Variants in GTSE1 observed in about 807,000 individuals in gnomAD.
GTSE1 encodes the protein G2 and S phase-expressed protein 1.
GTSE1 carries 52 observed loss-of-function variants against 60.5 expected under a neutral mutation model. The observed-to-expected ratio is 0.86, with a 90% confidence interval of 0.69 to 1.08. The LOEUF (loss-of-function observed/expected upper bound fraction) is 1.08, where lower values mean the gene tolerates loss of function less well. Among genes scored for constraint, GTSE1 ranks in the 50% least tolerant of loss-of-function variants. GTSE1 has a pLI of 0.00. For synonymous variants in GTSE1, 368 were observed against 386.5 expected (o/e 0.95, Z 0.56); for missense variants, 937 against 961.8 (o/e 0.97, Z 0.34).
rs2077811130 is a variant in GTSE1, at chr22:46,321,287, C to G, written c.1433-1903C>G. ...GGCATGGTGCTGGGCACCTGTAGTC[C>G]CAGCTACTTGGGAGACTGAGGCAGG... is the stretch of plus-strand genomic sequence containing the variant. On this transcript the variant is annotated intron_variant, in intron 7 of 11. Coordinates refer to ENST00000454366, the MANE Select transcript of GTSE1 (RefSeq NM_016426.7). This position sits in a 1 kb window ranked among gnomAD's most constrained non-coding sequence, Gnocchi z 4.0. Among the ~76,000 whole-genome samples, 1 of 152,130 alleles carries G rather than the reference C, an allele frequency of 6.6e-6. No homozygotes were observed. The highest frequency in any genetic ancestry group is 2.1e-4 in the South Asian group (1 of 4,818).
chr22:46,323,394 C>T, intron 8 of GTSE1, 132 bp downstream of exon 8: 1 of 735,722 alleles, frequency 1.4e-6, no homozygotes, highest in South Asian at 1.5e-5. Context: ...TGGGTGCAGG[C>T]CGAGCTCCTG....
rs2147827347 is a variant in GTSE1 at position 46,319,825 on chromosome 22, A to T, written c.1433-3365A>T. Among the ~76,000 whole-genome samples the T allele has an allele frequency of 6.6e-6, 1 of 152,102 alleles. No homozygotes were observed. Among genetic ancestry groups the T allele is most frequent in the East Asian group, 1.9e-4 (1 of 5,168 alleles). On this transcript the variant is annotated intron_variant, in intron 7 of 11. Transcript: ENST00000454366. This position sits in a 1 kb window ranked among gnomAD's most constrained non-coding sequence, Gnocchi z 5.0. Reference sequence around the variant, plus strand: ...ACATGGTGAAACCCTGTCTCTACTAAAAATAGAAAAATTAGCCAGGCATGG... The same window carrying T: ...ACATGGTGAAACCCTGTCTCTACTATAAATAGAAAAATTAGCCAGGCATGG...
intron 2 of GTSE1, among the ~76,000 whole-genome samples, chr22:46,300,159 G>T (rs933054947): frequency 1.3e-5 from 2 of 150,852 alleles, no homozygotes; most frequent in African/African-American, 4.9e-5. Flanking sequence ...GTGCAGTGGC[G>T]ACATCTTGGC....
rs1288236864 is a variant in GTSE1 at position 46,317,842 on chromosome 22, G to A, written c.1432+1430G>A. 1.3e-5 allele frequency among the ~76,000 whole-genome samples: 2 copies of A among 152,020 alleles called. No individual in the cohort carries two copies. The highest frequency in any genetic ancestry group is 4.8e-5 in the African/African-American group (2 of 41,438). ...CAAGATGACACCTTCTCGGCCCTGT[G>A]AGCTCCGCTCGTTGCTCCCTGGTAA... On this transcript the variant is annotated intron_variant, in intron 7 of 11. Coordinates refer to ENST00000454366, the MANE Select transcript of GTSE1 (RefSeq NM_016426.7). This position sits in a 1 kb window ranked among gnomAD's most constrained non-coding sequence, Gnocchi z 5.6.
intron 2 of GTSE1, among the ~76,000 whole-genome samples, chr22:46,299,410 A>T (rs1388633828): frequency 6.6e-6 from 1 of 152,212 alleles, no homozygotes; most frequent in African/African-American, 2.4e-5. Flanking sequence ...GCGTCTTCAC[A>T]TGCACGTCTC....
chr22:46,304,058 A>T lies in GTSE1; in HGVS notation c.80-4092A>T, dbSNP rs2077703647. ...TCTCTTGCTCTATTGCCCAGGATGG[A>T]GTGCAGTGGCTTGATCATAGCTCAC... On this transcript the variant is annotated intron_variant, in intron 2 of 11. Transcript: ENST00000454366. The surrounding 1 kb of genome is among the most constrained non-coding windows in gnomAD (Gnocchi z 4.4). 6.6e-6 allele frequency among the ~76,000 whole-genome samples: 1 copy of T among 152,100 alleles called. No homozygotes were observed. Among genetic ancestry groups the T allele is most frequent in the Admixed American group, 6.6e-5 (1 of 15,266 alleles).
At position 46,329,386 on chromosome 22, in the gene GTSE1, C is replaced by A. The variant is rs768433338; in HGVS notation, c.1955C>A (p.Pro652Gln). The A allele has an allele frequency of 2.1e-5, 34 of 1,614,012 alleles. No individual in the cohort carries two copies. Among genetic ancestry groups the A allele is most frequent in the Non-Finnish European group, 2.2e-5 (26 of 1,179,968 alleles). The change falls in exon 11 of 12, where the codon CCA (proline) becomes CAA (glutamine). Residue 652 changes from proline (P) to glutamine (Q), a missense_variant. Pro to Gln is a moderately conservative substitution (Grantham distance 76). Transcript: ENST00000454366. This position sits in a 1 kb window ranked among gnomAD's most constrained non-coding sequence, Gnocchi z 6.4. The stretch of plus-strand genomic sequence containing the variant: ...CTTCTTGTAGATATCAAACTGGAAC[C>A]ACTCGCGGTCACTCCAGATGCTGCA... ...EALLVDIKLE[P>Q]LAVTPDAASQ...
rs752125063 is a variant in GTSE1 at position 46,310,651 on chromosome 22, G to C, written c.763-1490G>C. ...TTTGGCAATAAAAAGAAACACTACTGGGCGTGGTAGCTCACACCTGTGATC... is the reference window on the plus strand; with the variant it reads ...TTTGGCAATAAAAAGAAACACTACTCGGCGTGGTAGCTCACACCTGTGATC... On this transcript the variant is annotated intron_variant, in intron 4 of 11. Coordinates refer to ENST00000454366, the MANE Select transcript of GTSE1 (RefSeq NM_016426.7). The surrounding 1 kb of genome is among the most constrained non-coding windows in gnomAD (Gnocchi z 4.4). Among the ~76,000 whole-genome samples the C allele has an allele frequency of 9.9e-5, 15 of 152,214 alleles. No homozygotes were observed. The highest frequency in any genetic ancestry group is 5.9e-4 in the Admixed American group (9 of 15,286).
At chr22:46,299,114 A>T (rs1030684707) in intron 2 of GTSE1, among the ~76,000 whole-genome samples, 1 of 152,136 alleles carries the variant, frequency 6.6e-6, no homozygotes, top group African/African-American at 2.4e-5. Flanking sequence ...TTTCAGTAAC[A>T]TTCGTCCTTC....
chr22:46,307,600 T>C (rs1680721479), intron 2 of GTSE1, among the ~76,000 whole-genome samples: 2 of 151,796 alleles, frequency 1.3e-5, no homozygotes, highest in African/African-American at 4.8e-5. Flanking sequence ...ACCTCCTGGG[T>C]TCAAGCGATT....
In GTSE1 at chr22:46,304,403, A is replaced by G. The variant is rs1378576176; in HGVS notation, c.80-3747A>G. 1.3e-5 allele frequency among the ~76,000 whole-genome samples: 2 copies of G among 152,168 alleles called. No homozygotes were observed. ...CTTCTGACGTTATCCCACTGAACCT[A>G]ATGCTGGCTTTGGGTTGAGATGGGG... On this transcript the variant is annotated intron_variant, in intron 2 of 11. Coordinates refer to ENST00000454366, the MANE Select transcript of GTSE1 (RefSeq NM_016426.7). The surrounding 1 kb of genome is among the most constrained non-coding windows in gnomAD (Gnocchi z 4.4).
At chr22:46,323,598 G>A (rs1320685610) in intron 8 of GTSE1, among the ~76,000 whole-genome samples, 7 of 152,238 alleles carry the variant, frequency 4.6e-5, no homozygotes, top group Non-Finnish European at 1.0e-4. Context: ...TCTAGGCTGA[G>A]GCCCAGCAGC....
At position 46,329,246 on chromosome 22, in the gene GTSE1, C is replaced by T; in HGVS notation, c.1927-112C>T. The T allele has an allele frequency of 2.2e-6, 2 of 908,452 alleles. No homozygotes were observed. Among genetic ancestry groups the T allele is most frequent in the South Asian group, 1.3e-5 (1 of 74,772 alleles). The allele number at this position is 908,452 out of a possible 1,614,324, so 56.3% of individuals were successfully genotyped here. ...CTTCCACCAAGGCCCCGCCTGATTC[C>T]TTGGCTTTCCAAACCGCCAGCCCAC... On this transcript the variant is annotated intron_variant, in intron 10 of 11. Coordinates refer to ENST00000454366, the MANE Select transcript of GTSE1 (RefSeq NM_016426.7). The surrounding 1 kb of genome is among the most constrained non-coding windows in gnomAD (Gnocchi z 6.4).
rs768217704 is a variant in GTSE1 at position 46,309,029 on chromosome 22, C to T, written c.762+86C>T. 6.8e-5 allele frequency: 99 copies of T among 1,448,992 alleles called. No homozygotes were observed. Among genetic ancestry groups the T allele is most frequent in the Non-Finnish European group, 8.9e-5 (96 of 1,075,616 alleles). The allele number at this position is 1,448,992 out of a possible 1,614,324, so 89.8% of individuals were successfully genotyped here. A position where few individuals can be genotyped will look rare whatever the true frequency, so the allele number is the denominator to read the frequency against. On this transcript the variant is annotated intron_variant, in intron 4 of 11. Transcript: ENST00000454366. This position sits in a 1 kb window ranked among gnomAD's most constrained non-coding sequence, Gnocchi z 6.2. The stretch of plus-strand genomic sequence containing the variant: ...CACAGAAGCCACATGCGGAAAGCCT[C>T]AGAGGTGGCGAGTCTCTGAGGCCTA...
Position 46,328,890 on chromosome 22 carries a change from G to A in GTSE1, c.1926+1G>A. The A allele has an allele frequency of 6.2e-7, 1 of 1,611,500 alleles. No homozygotes were observed. Among genetic ancestry groups the A allele is most frequent in the Non-Finnish European group, 8.5e-7 (1 of 1,178,174 alleles). Reference sequence around the variant, plus strand: ...GGGTGGAGATGCAGCCCCTAGTGAGGTGGGCAGAACGGGCGCAGCTGGGTT... The same window carrying A: ...GGGTGGAGATGCAGCCCCTAGTGAGATGGGCAGAACGGGCGCAGCTGGGTT... On this transcript the variant is annotated splice_donor_variant, in intron 10 of 11. Coordinates refer to ENST00000454366, the MANE Select transcript of GTSE1 (RefSeq NM_016426.7). LOFTEE classifies it high-confidence loss of function.
intron 2 of GTSE1, among the ~76,000 whole-genome samples, chr22:46,303,983 T>C (rs1166275605): frequency 6.6e-6 from 1 of 152,002 alleles, no homozygotes; most frequent in Non-Finnish European, 1.5e-5. Flanking sequence ...AGACATATAG[T>C]TTGAGTGAGA....
chr22:46,305,379 A>G (rs1202089339), intron 2 of GTSE1, among the ~76,000 whole-genome samples: 2 of 142,008 alleles, frequency 1.4e-5, no homozygotes, highest in African/African-American at 2.6e-5. Context: ...GAAGGCCGAG[A>G]TGGAGGGATC....
intron 9 of GTSE1, among the ~76,000 whole-genome samples, chr22:46,328,168 C>T (rs187488023): frequency 2.7e-3 from 409 of 152,270 alleles, no homozygotes; most frequent in Middle Eastern, 0.014. Context: ...AGCCCAGCAG[C>T]GCCCGTGCAG....
rs929204921 is a variant in GTSE1 at position 46,308,771 on chromosome 22, C to A, written c.590C>A (p.Ala197Asp). The change falls in exon 4 of 12, where the codon GCC (alanine) becomes GAC (aspartate). Residue 197 changes from alanine (A) to aspartate (D), a missense_variant. Transcript: ENST00000454366. ...SPALPSSGAQ[A>D]RLTRAPGPPH... ...GCCCTGCCCAGCTCTGGTGCCCAGG[C>A]CCGCCTCACCCGGGCGCCGGGGCCT... 1 of 1,613,054 alleles carries A rather than the reference C, an allele frequency of 6.2e-7. No individual in the cohort carries two copies. The highest frequency in any genetic ancestry group is 8.5e-7 in the Non-Finnish European group (1 of 1,179,968).
Sources: gnomAD v4.1 joint callset for allele counts (sites outside exome capture counted in the v4.1 genomes callset) on GRCh38, gnomAD v4.1.1 for gene constraint, Gnocchi (gnomAD v3.1) non-coding constraint, MANE v1.5 for transcripts, NCBI Gene and HGNC (gene_info 2026-07-23, HGNC 2026-07-21) for gene names.